NOMO3: variants seen among roughly 807,000 people sequenced by gnomAD.
NOMO3 encodes the protein NODAL modulator 3.
NOMO3 carries 15 observed loss-of-function variants against 69.9 expected under a neutral mutation model. The ratio of observed to expected loss-of-function variants is 0.21; its 90% CI spans 0.14 to 0.33. The LOEUF (loss-of-function observed/expected upper bound fraction) is 0.33. NOMO3 is among the 10% of genes least tolerant of loss of function. The probability of loss-of-function intolerance (pLI) is 1.00; values close to 1 mark genes in which losing one functional copy is unlikely to be tolerated. For missense variants in NOMO3, 218 were observed against 761.0 expected (o/e 0.29, Z 8.39); for synonymous variants, 89 against 301.9 (o/e 0.29, Z 7.31).
intron 1 of NOMO3, among the ~76,000 whole-genome samples, chr16:16,235,177 G>A (rs1359384614): frequency 1.3e-5 from 2 of 151,162 alleles, no homozygotes; most frequent in East Asian, 1.9e-4. Context: ...TATTTCACAC[G>A]AGTCCTTTCC....
At position 16,254,672 on chromosome 16, in the gene NOMO3, C is replaced by T. The variant is rs577578948; in HGVS notation, c.964-1048C>T. ...GTCCCTGTCTCCATGAGGTAACATG[C>T]TAGTGGGAGGGAGACAACTAAGAAA... On this transcript the variant is annotated intron_variant, in intron 9 of 30. Coordinates refer to ENST00000399336, the MANE Select transcript of NOMO3 (RefSeq NM_001004067.4). Among the ~76,000 whole-genome samples, 217 of 143,184 alleles carry T rather than the reference C, an allele frequency of 1.5e-3. 34 individuals carry two copies. Among genetic ancestry groups the T allele is most frequent in the African/African-American group, 5.8e-3 (201 of 34,546 alleles). The allele number at this position is 143,184 out of a possible 152,430, so 93.9% of individuals were successfully genotyped here.
rs1426893634 is a variant in NOMO3, at chr16:16,255,769, G to A, written c.1013G>A (p.Gly338Glu). 1 of 1,577,714 alleles carries A rather than the reference G, an allele frequency of 6.3e-7. No individual in the cohort carries two copies. Among genetic ancestry groups the A allele is most frequent in the South Asian group, 1.1e-5 (1 of 88,448 alleles). ...GFSVTGRVLN[G>E]PEGDGVPEAV... ...TCCGTCACCGGGAGGGTCTTGAACG[G>A]ACCCGAAGGAGATGGTGTTCCAGAA... The change falls in exon 10 of 31, where the codon GGA becomes GAA. Residue 338 changes from glycine to glutamate, a missense_variant. Transcript: ENST00000399336.
chr16:16,261,396 T>G, intron 11 of NOMO3, 106 bp from the exon 12 acceptor site: 1 of 1,462,326 alleles, frequency 6.8e-7, no homozygotes, highest in Non-Finnish European at 9.2e-7. Flanking sequence ...ATTAGACTAT[T>G]CTCAGGAACA....
rs532062680 is a variant in NOMO3, at chr16:16,240,418, C to G, written c.301+522C>G. ...GTCAGCCTGGCTCCTCACTGTCGAG[C>G]AAGGGTAGTTATAGTCCCTGCCCCA... On this transcript the variant is annotated intron_variant, in intron 3 of 30. Transcript: ENST00000399336. Among the ~76,000 whole-genome samples the G allele has an allele frequency of 9.6e-3, 1,393 of 144,936 alleles. 165 individuals are homozygous for G. The highest frequency in any genetic ancestry group is 0.035 in the African/African-American group (1,287 of 36,602).
At position 16,268,904 on chromosome 16, in the gene NOMO3, C is replaced by T. The variant is rs1321353815; in HGVS notation, c.1895-1217C>T. Among the ~76,000 whole-genome samples, 2 of 143,084 alleles carry T rather than the reference C, an allele frequency of 1.4e-5. 1 individual carries two copies. Among genetic ancestry groups the T allele is most frequent in the African/African-American group, 5.8e-5 (2 of 34,528 alleles). The allele number at this position is 143,084 out of a possible 152,430, so 93.9% of individuals were successfully genotyped here. On this transcript the variant is annotated intron_variant, in intron 16 of 30. Transcript: ENST00000399336. ...CCCCCTCCTCCAGTAAGCTACTTGT[C>T]TGTATTATTGGCCAGAACCGTGCCA... is the stretch of plus-strand genomic sequence containing the variant.
intron 16 of NOMO3, among the ~76,000 whole-genome samples, chr16:16,267,531 T>TTCAGGCGATTCCCCTGCC (rs1278960120): frequency 1.4e-5 from 2 of 143,220 alleles, no homozygotes; most frequent in Admixed American, 6.8e-5. Flanking sequence ...GCCTCCTGGG[T>TTCAGGCGATTCCCCTGCC]TCAGGCGATT....
At chr16:16,274,259 TTGGA>T (rs879029300) in intron 20 of NOMO3, among the ~76,000 whole-genome samples, 184 bp downstream of exon 20, 10 of 117,402 alleles carry the variant, frequency 8.5e-5, no homozygotes, top group African/African-American at 1.4e-4. Flanking sequence ...GATGGTTGGG[TTGGA>T]TGGATGGATG....
chr16:16,260,614 A>G (rs1186472911), intron 11 of NOMO3, among the ~76,000 whole-genome samples: 2 of 142,636 alleles, frequency 1.4e-5, no homozygotes, highest in Non-Finnish European at 3.0e-5. Flanking sequence ...CCTAATTGTC[A>G]GAATCCAACA....
chr16:16,260,396 CA>C (rs1461430791), intron 11 of NOMO3, among the ~76,000 whole-genome samples: 5 of 140,844 alleles, frequency 3.6e-5, no homozygotes, highest in Non-Finnish European at 7.4e-5. Flanking sequence ...AGTTCATACA[CA>C]AACGGGAGGG....
intron 11 of NOMO3, among the ~76,000 whole-genome samples, chr16:16,257,664 G>A (rs1291465406): frequency 7.0e-6 from 1 of 142,746 alleles, no homozygotes; most frequent in Non-Finnish European, 1.5e-5. Context: ...GGGAGCCTGA[G>A]GTCATAGGAG....
Position 16,237,082 on chromosome 16 carries a change from G to A in NOMO3, c.255+92G>A, listed in dbSNP as rs2049332669. 163 of 1,565,812 alleles carry A rather than the reference G, an allele frequency of 1.0e-4. 18 individuals are homozygous for A. The South Asian group carries it at 1.8e-3, about 17-fold the overall frequency. ...CATGTCCTTTCCTACACTAGCAAATGCTCATCTGTTTTGTAAATTATTAGT... is the reference window on the plus strand; with the variant it reads ...CATGTCCTTTCCTACACTAGCAAATACTCATCTGTTTTGTAAATTATTAGT... On this transcript the variant is annotated intron_variant, in intron 2 of 30. Transcript: ENST00000399336.
chr16:16,237,837 G>A (rs1197676600), intron 2 of NOMO3, among the ~76,000 whole-genome samples: 1 of 143,988 alleles, frequency 6.9e-6, no homozygotes, highest in Non-Finnish European at 1.5e-5. Flanking sequence ...GGTGTGAGCC[G>A]ATGTTTCCGG....
intron 3 of NOMO3, among the ~76,000 whole-genome samples, chr16:16,242,201 T>TTGTGTGTGTGTGTGTGTGTGTG (rs71276168): frequency 1.0e-5 from 1 of 99,358 alleles, no homozygotes; most frequent in Non-Finnish European, 1.9e-5. Context: ...ATTGGAGTCT[T>TTGTGTGTGTGTGTGTGTGTGTG]TGTGTGTGTG....
chr16:16,233,408 G>A (rs1596794832), intron 1 of NOMO3, among the ~76,000 whole-genome samples: 1 of 120,036 alleles, frequency 8.3e-6, no homozygotes, highest in South Asian at 2.7e-4. Context: ...TTATTTCTCC[G>A]GCTCCCCTCC....
At chr16:16,234,777 T>C (rs9935584) in intron 1 of NOMO3, among the ~76,000 whole-genome samples, 6,458 of 147,446 alleles carry the variant, frequency 0.044, 320 homozygotes, top group African/African-American at 0.11. Context: ...CTCCATACTC[T>C]CATGAGACTG....
chr16:16,258,603 C>T (rs1596809433), intron 11 of NOMO3, among the ~76,000 whole-genome samples: 1 of 141,332 alleles, frequency 7.1e-6, no homozygotes, highest in African/African-American at 3.0e-5. Context: ...CGGTGGCTCA[C>T]GCCTATGATC....
intron 6 of NOMO3, among the ~76,000 whole-genome samples, chr16:16,249,711 G>C (rs958453421): frequency 3.1e-4 from 45 of 144,092 alleles, no homozygotes; most frequent in Admixed American, 2.4e-3. Context: ...TATGAGATTG[G>C]GATTTTCAAG....
intron 2 of NOMO3, among the ~76,000 whole-genome samples, chr16:16,239,178 T>G (rs1195783365): frequency 6.9e-6 from 1 of 144,104 alleles, no homozygotes; most frequent in Non-Finnish European, 1.5e-5. Context: ...AGAGACAGGA[T>G]CCCCTTCCGC....
At chr16:16,255,120 C>T (rs2561959) in intron 9 of NOMO3, among the ~76,000 whole-genome samples, 7 of 143,672 alleles carry the variant, frequency 4.9e-5, no homozygotes, top group Admixed American at 1.4e-4. Flanking sequence ...ACCATGTTGG[C>T]CAGGCTGGTC....
Sources: allele counts gnomAD v4.1 joint callset (sites outside exome capture counted in the v4.1 genomes callset), GRCh38; gene constraint gnomAD v4.1.1; transcripts MANE v1.5; gene names NCBI Gene and HGNC (gene_info 2026-07-23, HGNC 2026-07-21).